Variants in CACNG2 observed in about 807,000 individuals in gnomAD.
The protein encoded by CACNG2 is calcium voltage-gated channel auxiliary subunit gamma 2.
In CACNG2, 3 loss-of-function variants were observed where a neutral mutation model predicts 25.9. That is an observed-to-expected ratio of 0.12 (90% confidence interval 0.05 to 0.30). The LOEUF (loss-of-function observed/expected upper bound fraction) is 0.30. Ranked by LOEUF, CACNG2 falls within the 10% of genes least tolerant of loss-of-function variation. The pLI is 1.00. For synonymous variants in CACNG2, 167 were observed against 173.3 expected (o/e 0.96, Z 0.29); for missense variants, 341 against 432.5 (o/e 0.79, Z 1.88).
intron 1 of CACNG2, among the ~76,000 whole-genome samples, chr22:36,632,176 T>G (rs560010986): frequency 7.2e-4 from 108 of 149,902 alleles, no homozygotes; most frequent in African/African-American, 2.5e-3. Context: ...ATTTTCTGAC[T>G]TTTTTTTTTA....
intron 1 of CACNG2, among the ~76,000 whole-genome samples, chr22:36,654,082 A>T (rs1186056136): frequency 6.6e-6 from 1 of 151,772 alleles, no homozygotes; most frequent in African/African-American, 2.4e-5. Flanking sequence ...AAAAAAAGGA[A>T]CACAGCTTTC....
chr22:36,670,885 C>T (rs1936939719), intron 1 of CACNG2, among the ~76,000 whole-genome samples: 1 of 150,940 alleles, frequency 6.6e-6, no homozygotes, highest in African/African-American at 2.4e-5. Flanking sequence ...AAGAGCAAGG[C>T]AGTCAGAATT....
intron 1 of CACNG2, among the ~76,000 whole-genome samples, chr22:36,680,279 T>A (rs1423043679): frequency 6.7e-6 from 1 of 148,782 alleles, no homozygotes; most frequent in Non-Finnish European, 1.5e-5. Flanking sequence ...ATCACCACCA[T>A]CACCACCACC....
chr22:36,649,405 C>G (rs1015656245), intron 1 of CACNG2, among the ~76,000 whole-genome samples: 3 of 152,004 alleles, frequency 2.0e-5, no homozygotes, highest in Non-Finnish European at 4.4e-5. Flanking sequence ...TATTCTTCTG[C>G]TTCAGTCTCC....
At chr22:36,631,656 A>C (rs1332628926) in intron 1 of CACNG2, among the ~76,000 whole-genome samples, 9 of 151,994 alleles carry the variant, frequency 5.9e-5, no homozygotes. Context: ...GCCCCAAGGC[A>C]CTGTCCTGTC....
intron 1 of CACNG2, among the ~76,000 whole-genome samples, chr22:36,640,499 G>A (rs1936426721): frequency 6.6e-6 from 1 of 152,222 alleles, no homozygotes; most frequent in African/African-American, 2.4e-5. Flanking sequence ...TCTGCAGCTG[G>A]ACAGCCTGCA....
chr22:36,666,037 CA>C (rs1216629078), intron 1 of CACNG2, among the ~76,000 whole-genome samples: 3 of 152,146 alleles, frequency 2.0e-5, no homozygotes, highest in African/African-American at 7.2e-5. Context: ...ATTCAGCCTT[CA>C]AAAGGAAGGC....
chr22:36,689,578 A>G (rs553914868), intron 1 of CACNG2, among the ~76,000 whole-genome samples: 4 of 152,202 alleles, frequency 2.6e-5, no homozygotes, highest in Non-Finnish European at 5.9e-5. Context: ...CTTTAAGTTA[A>G]TATTCTTTCT....
chr22:36,674,788 G>C (rs1350856792), intron 1 of CACNG2, among the ~76,000 whole-genome samples: 1 of 152,332 alleles, frequency 6.6e-6, no homozygotes, highest in East Asian at 1.9e-4. Context: ...GGGAGGTAGG[G>C]TGCACAGTGG....
intron 2 of CACNG2, among the ~76,000 whole-genome samples, chr22:36,567,112 T>C: frequency 6.6e-6 from 1 of 152,174 alleles, no homozygotes; most frequent in East Asian, 1.9e-4. Context: ...ATAGAAAAAG[T>C]ATCTCACCTC....
rs186982444 is a variant in CACNG2, at chr22:36,618,784, G to C, written c.212-31236C>G. ...AAATACAAAAAATTAGCTGGGTGTG[G>C]TGGTGTGTGCCTATAGTCCCAGCTA... On this transcript the variant is annotated intron_variant, in intron 1 of 3. Coordinates refer to ENST00000300105, the MANE Select transcript of CACNG2 (RefSeq NM_006078.5). Among the ~76,000 whole-genome samples the C allele has an allele frequency of 1.1e-3, 161 of 152,222 alleles. 1 individual carries two copies. The highest frequency in any genetic ancestry group is 3.8e-3 in the African/African-American group (156 of 41,538).
chr22:36,678,720 C>T (rs535356846), intron 1 of CACNG2, among the ~76,000 whole-genome samples: 1 of 151,828 alleles, frequency 6.6e-6, no homozygotes, highest in Non-Finnish European at 1.5e-5. Flanking sequence ...CCACGATGGC[C>T]AGGAGCCACC....
intron 1 of CACNG2, among the ~76,000 whole-genome samples, chr22:36,597,041 G>C (rs73171821): frequency 0.19 from 29,624 of 151,966 alleles, 3,373 homozygotes; most frequent in East Asian, 0.32. Context: ...TTGTTGTTTT[G>C]AGATAGAGTC....
chr22:36,653,956 G>C (rs1415979343), intron 1 of CACNG2, among the ~76,000 whole-genome samples: 2 of 130,274 alleles, frequency 1.5e-5, no homozygotes, highest in Non-Finnish European at 3.3e-5. Flanking sequence ...TAAGTACAGT[G>C]TGTTTGTGTG....
rs546938434 is a variant in CACNG2, at chr22:36,568,536, G to C, written c.296-2043C>G. On this transcript the variant is annotated intron_variant, in intron 2 of 3. Coordinates refer to ENST00000300105, the MANE Select transcript of CACNG2 (RefSeq NM_006078.5). ...TCTCCTGCCTCAGCCTCCCAAGTAGGTGGGACTACAGGTGTGCGCCATCAC... is the reference window on the plus strand; with the variant it reads ...TCTCCTGCCTCAGCCTCCCAAGTAGCTGGGACTACAGGTGTGCGCCATCAC... Among the ~76,000 whole-genome samples the C allele has an allele frequency of 4.6e-5, 7 of 151,872 alleles. No homozygotes were observed. In the South Asian group the frequency reaches 1.5e-3, roughly 32 times the overall value.
chr22:36,642,909 G>A (rs1384504345), intron 1 of CACNG2, among the ~76,000 whole-genome samples: 4 of 152,160 alleles, frequency 2.6e-5, no homozygotes. Context: ...AAGTAAGAAG[G>A]GGTGTCTAGT....
intron 1 of CACNG2, among the ~76,000 whole-genome samples, chr22:36,594,128 C>T (rs1199384839): frequency 6.6e-6 from 1 of 152,152 alleles, no homozygotes; most frequent in Non-Finnish European, 1.5e-5. Flanking sequence ...AAATCTGGAA[C>T]CTCTCTCCAT....
At chr22:36,683,179 T>C (rs981017588) in intron 1 of CACNG2, among the ~76,000 whole-genome samples, 22 of 152,226 alleles carry the variant, frequency 1.4e-4, no homozygotes, top group African/African-American at 5.1e-4. Context: ...GCCCCCACAT[T>C]AATACTCTGA....
intron 1 of CACNG2, among the ~76,000 whole-genome samples, chr22:36,655,796 C>A (rs1443455413): frequency 7.0e-6 from 1 of 142,200 alleles, no homozygotes; most frequent in Non-Finnish European, 1.5e-5. Flanking sequence ...TTCCTTCCTT[C>A]TTTCTTCTTT....
Sources: allele counts gnomAD v4.1 joint callset (sites outside exome capture counted in the v4.1 genomes callset), GRCh38; gene constraint gnomAD v4.1.1; transcripts MANE v1.5; gene names NCBI Gene and HGNC (gene_info 2026-07-23, HGNC 2026-07-21).